Variants in CFAP70 observed in about 807,000 individuals in gnomAD.
The protein encoded by CFAP70 is cilia- and flagella-associated protein 70.
Under a neutral mutation model 137.6 loss-of-function variants are expected in CFAP70, and 81 were observed. The observed-to-expected ratio is 0.59, with a 90% CI of 0.49 to 0.71. CFAP70 has a LOEUF of 0.71. Among genes scored for constraint, CFAP70 ranks in the 30% least tolerant of loss-of-function variants. The probability of loss-of-function intolerance (pLI) is 0.00; values close to 1 mark genes in which losing one functional copy is unlikely to be tolerated. For missense variants in CFAP70, 976 were observed against 1,226.7 expected, an observed-to-expected ratio of 0.80 and a Z score of 3.05; for synonymous variants, 382 against 423.6, an observed-to-expected ratio of 0.90 and a Z score of 1.20.
exon 11 of CFAP70, chr10:73,311,911 C>T (rs199701402): frequency 6.2e-7 from 1 of 1,613,160 alleles, no homozygotes. Context: ...ATACTAGGTG[C>T]CTGCTGAAAG....
intron 16 of CFAP70, among the ~76,000 whole-genome samples, chr10:73,292,844 C>A (rs988839887): frequency 6.6e-6 from 1 of 151,894 alleles, no homozygotes; most frequent in Non-Finnish European, 1.5e-5. Context: ...CAAAGTTATC[C>A]ATTTATCACA....
At chr10:73,290,757 A>AG (rs375898666) in intron 19 of CFAP70, among the ~76,000 whole-genome samples, 1 of 152,048 alleles carries the variant, frequency 6.6e-6, no homozygotes, top group East Asian at 1.9e-4. Flanking sequence ...GAGAAAAGTG[A>AG]GGGGGGAAAA....
At chr10:73,262,180 G>A (rs1239885504) in intron 25 of CFAP70, among the ~76,000 whole-genome samples, 1 of 151,248 alleles carries the variant, frequency 6.6e-6, no homozygotes, top group Non-Finnish European at 1.5e-5. Context: ...ACCAAGATCT[G>A]AAAATATTAC....
At chr10:73,298,479 A>G (rs1470158349) in intron 14 of CFAP70, among the ~76,000 whole-genome samples, 1 of 152,176 alleles carries the variant, frequency 6.6e-6, no homozygotes, top group African/African-American at 2.4e-5. Flanking sequence ...CTAACTCAAG[A>G]CATGCTACTC....
intron 5 of CFAP70, among the ~76,000 whole-genome samples, chr10:73,344,434 C>A (rs996135268): frequency 2.6e-5 from 4 of 152,202 alleles, no homozygotes; most frequent in African/African-American, 7.2e-5. Flanking sequence ...GTGGGCTGTT[C>A]CCCGGAAGGG....
intron 24 of CFAP70, among the ~76,000 whole-genome samples, chr10:73,271,887 A>G (rs1366311484): frequency 6.6e-6 from 1 of 152,044 alleles, no homozygotes; most frequent in Non-Finnish European, 1.5e-5. Context: ...TTTTGTAGAG[A>G]TGGGGGTCTT....
chr10:73,355,517 G>A (rs1162340664), intron 1 of CFAP70, among the ~76,000 whole-genome samples: 2 of 152,274 alleles, frequency 1.3e-5, no homozygotes, highest in Middle Eastern at 3.4e-3. Flanking sequence ...GGTGGCTCAC[G>A]CCTGTAATCC....
intron 12 of CFAP70, among the ~76,000 whole-genome samples, chr10:73,306,419 A>G (rs1359982814): frequency 1.3e-5 from 2 of 152,224 alleles, no homozygotes; most frequent in Non-Finnish European, 2.9e-5. Flanking sequence ...GTCAAAACAC[A>G]AAGACAAAGA....
Position 73,275,490 on chromosome 10 carries a change from T to G in CFAP70, c.2629A>C (p.Lys877Gln). 1 of 1,611,622 alleles carries G rather than the reference T, an allele frequency of 6.2e-7. No individual in the cohort carries two copies. The highest frequency in any genetic ancestry group is 1.7e-5 in the Admixed American group (1 of 59,606). ...GCTTGTTGAAGGTATTCCTCTGCCT[T>G]GGCAAAGTTCTTCTTAAGAATGTGT... Residue 877 changes from lysine to glutamine, a missense_variant, in exon 22 of 27, where the codon AAG (lysine) becomes CAG (glutamine). Lys to Gln is a moderately conservative substitution (Grantham distance 53, BLOSUM62 1). Coordinates refer to ENST00000310715, the Ensembl canonical transcript of CFAP70. This position sits in a 1 kb window ranked among gnomAD's most constrained non-coding sequence, Gnocchi z 4.0.
intron 7 of CFAP70, among the ~76,000 whole-genome samples, chr10:73,333,575 T>A (rs1200416305): frequency 6.6e-6 from 1 of 151,992 alleles, no homozygotes; most frequent in Non-Finnish European, 1.5e-5. Flanking sequence ...TCAGAAACCA[T>A]GCAAGCAAGA....
intron 19 of CFAP70, among the ~76,000 whole-genome samples, chr10:73,279,523 CAATAAATAAATAAATAAATAAATA>C (rs35709122): frequency 2.3e-5 from 3 of 129,336 alleles, no homozygotes; most frequent in African/African-American, 8.6e-5. Context: ...GACTCTGTCT[CAATAAATAAATAAATAAATAAATA>C]AATAAATAAA....
At chr10:73,257,057 C>T (rs2044596447) in intron 25 of CFAP70, among the ~76,000 whole-genome samples, 1 of 152,066 alleles carries the variant, frequency 6.6e-6, no homozygotes, top group South Asian at 2.1e-4. Context: ...ACACTTACCA[C>T]TCCGTACTAT....
chr10:73,332,168 AGTTTAAT>A lies in CFAP70; in HGVS notation c.678-899_678-893del, dbSNP rs373428013. Among the ~76,000 whole-genome samples, 154 of 152,310 alleles carry A rather than the reference AGTTTAAT, an allele frequency of 1.0e-3. 1 individual carries two copies. Among genetic ancestry groups the A allele is most frequent in the African/African-American group, 3.4e-3 (141 of 41,568 alleles). ...AATGGTGCCAGCAACTGGTAGAAAT[AGTTTAAT>A]GATAATTTTGACAAATTGCTGGAGG... is the stretch of plus-strand genomic sequence containing the variant. On this transcript the variant is annotated intron_variant, in intron 7 of 26. Transcript: ENST00000310715.
exon 17 of CFAP70, chr10:73,291,999 G>T (rs2048212410): frequency 1.2e-6 from 2 of 1,614,078 alleles, no homozygotes; most frequent in Non-Finnish European, 1.7e-6. Flanking sequence ...AGATTCTGGG[G>T]CTCACGGACC....
intron 24 of CFAP70, among the ~76,000 whole-genome samples, chr10:73,270,771 A>G (rs1450766388): frequency 2.0e-5 from 3 of 151,212 alleles, no homozygotes; most frequent in African/African-American, 7.3e-5. Context: ...CCTGGCCTCA[A>G]GTGATCTGCC....
intron 9 of CFAP70, among the ~76,000 whole-genome samples, chr10:73,315,636 T>C (rs574157886): frequency 1.1e-3 from 169 of 152,166 alleles, no homozygotes; most frequent in Non-Finnish European, 1.8e-3. Flanking sequence ...TCACAGCTCA[T>C]TGCAGCCTTG....
chr10:73,319,244 G>T (rs774529265), intron 9 of CFAP70, among the ~76,000 whole-genome samples: 2 of 151,986 alleles, frequency 1.3e-5, no homozygotes, highest in Non-Finnish European at 2.9e-5. Flanking sequence ...AGGATCAGCC[G>T]GCACTCAGAT....
At chr10:73,278,209 T>C in exon 20 of CFAP70, 1 of 1,613,970 alleles carries the variant, frequency 6.2e-7, no homozygotes, top group Non-Finnish European at 8.5e-7. Flanking sequence ...TTGATAAATG[T>C]GTTAGATGGT....
intron 8 of CFAP70, among the ~76,000 whole-genome samples, chr10:73,325,372 C>T (rs936192713): frequency 6.6e-6 from 1 of 152,170 alleles, no homozygotes; most frequent in Non-Finnish European, 1.5e-5. Flanking sequence ...GTACCAGCCG[C>T]TGCAAAATCA....
Sources: gnomAD v4.1 joint callset for allele counts (sites outside exome capture counted in the v4.1 genomes callset) on GRCh38, gnomAD v4.1.1 for gene constraint, Gnocchi (gnomAD v3.1) non-coding constraint, MANE v1.5 for transcripts, NCBI Gene and HGNC (gene_info 2026-07-23, HGNC 2026-07-21) for gene names.